Variants in VCP observed in about 807,000 individuals in gnomAD.
VCP encodes valosin containing protein, also known as transitional endoplasmic reticulum ATPase.
VCP carries 6 observed loss-of-function variants against 85.7 expected under a neutral mutation model. The ratio of observed to expected loss-of-function variants is 0.07; its 90% CI spans 0.04 to 0.14. The LOEUF is 0.14. VCP is among the 10% of genes least tolerant of loss of function. VCP has a pLI of 1.00. For synonymous variants in VCP, 384 were observed against 367.1 expected (o/e 1.05, Z -0.53); for missense variants, 353 against 1,043.4 (o/e 0.34, Z 9.12).
At chr9:35,064,559 G>A (rs186007320) in intron 5 of VCP, among the ~76,000 whole-genome samples, 53 of 152,116 alleles carry the variant, frequency 3.5e-4, no homozygotes, top group Non-Finnish European at 6.5e-4. Context: ...AAAGGGATCC[G>A]GCCTCAAAGA....
chr9:35,066,357 G>C (rs1390620249), intron 4 of VCP, among the ~76,000 whole-genome samples: 1 of 148,856 alleles, frequency 6.7e-6, no homozygotes, highest in African/African-American at 2.5e-5. Flanking sequence ...CACCTCTTGG[G>C]TTCAAGCAAT....
chr9:35,067,443 C>T (rs934769193), intron 3 of VCP, among the ~76,000 whole-genome samples: 14 of 152,080 alleles, frequency 9.2e-5, no homozygotes, highest in African/African-American at 3.4e-4. Context: ...CCCGGGTTAA[C>T]TTAGGGGCTT....
At chr9:35,064,340 G>A (rs1441090046) in intron 5 of VCP, 55 bp from the exon 6 acceptor site, 19 of 1,607,254 alleles carry the variant, frequency 1.2e-5, no homozygotes, top group Middle Eastern at 3.9e-4. Flanking sequence ...ATCAGCAAAA[G>A]CTGAGTTTCT....
At chr9:35,058,972 C>G in intron 15 of VCP, 92 bp downstream of exon 15, 2 of 1,562,618 alleles carry the variant, frequency 1.3e-6, no homozygotes, top group Non-Finnish European at 1.7e-6. Context: ...GATGATCTTT[C>G]CAACAGCTTC....
At chr9:35,071,443 G>T (rs896415406) in intron 1 of VCP, among the ~76,000 whole-genome samples, 1 of 151,748 alleles carries the variant, frequency 6.6e-6, no homozygotes, top group Admixed American at 6.6e-5. Flanking sequence ...TCTCAATATA[G>T]CTGGTTGGGG....
chr9:35,070,435 A>G (rs1828917858), intron 1 of VCP, among the ~76,000 whole-genome samples: 1 of 152,068 alleles, frequency 6.6e-6, no homozygotes, highest in Non-Finnish European at 1.5e-5. Context: ...TCTAGTCACC[A>G]TAGTTTTTTA....
chr9:35,071,344 T>C (rs984564265), intron 1 of VCP, among the ~76,000 whole-genome samples: 4 of 129,638 alleles, frequency 3.1e-5, no homozygotes, highest in Non-Finnish European at 6.3e-5. Context: ...CTCTCTATTC[T>C]AAATTGAATG....
chr9:35,072,500 TC>T lies in VCP; in HGVS notation c.-148del. On this transcript the variant is annotated 5_prime_UTR_variant, in exon 1 of 17. Transcript: ENST00000358901. ...ACCCGCAAGCGGCTTCCCTCTCGCT[TC>T]CTCCCACCGGCAGCGAGGCGTCGGG... 3 of 1,048,898 alleles carry T rather than the reference TC, an allele frequency of 2.9e-6. No homozygotes were observed. The highest frequency in any genetic ancestry group is 6.6e-5 in the East Asian group (2 of 30,230). 65.0% of individuals were successfully genotyped at this position (1,048,898 alleles called of 1,614,324 possible).
At chr9:35,068,643 A>C (rs2073575) in intron 1 of VCP, among the ~76,000 whole-genome samples, 2 of 152,140 alleles carry the variant, frequency 1.3e-5, no homozygotes, top group South Asian at 2.1e-4. Context: ...CCTAAGAAGA[A>C]GACATAATAG....
chr9:35,061,919 G>A (rs1587123112), intron 9 of VCP, 84 bp downstream of exon 9: 1 of 1,607,874 alleles, frequency 6.2e-7, no homozygotes, highest in East Asian at 2.2e-5. Flanking sequence ...ACTGTGAAGG[G>A]CTTCAAGAGG....
At chr9:35,072,135 G>A (rs1001784549) in intron 1 of VCP, 38 of 1,384,592 alleles carry the variant, frequency 2.7e-5, no homozygotes, top group Admixed American at 6.9e-5. Flanking sequence ...CGCAAGCCCC[G>A]CCTAGGGGGC....
chr9:35,058,327 C>T (rs926405932), intron 15 of VCP, among the ~76,000 whole-genome samples: 3 of 152,196 alleles, frequency 2.0e-5, no homozygotes, highest in African/African-American at 7.2e-5. Flanking sequence ...TTAAGGGTAA[C>T]ACAAGACATA....
chr9:35,057,076 G>C lies in VCP; in HGVS notation c.*41C>G. ...AAGCGCCCCCACCCCCAGGGAACAAGGTCCAGGCAGGCCAGCTCACTGCAC... is the reference window on the plus strand; with the variant it reads ...AAGCGCCCCCACCCCCAGGGAACAACGTCCAGGCAGGCCAGCTCACTGCAC... On this transcript the variant is annotated 3_prime_UTR_variant, in exon 17 of 17. Coordinates refer to ENST00000358901, the MANE Select transcript of VCP (RefSeq NM_007126.5). 6.2e-7 allele frequency: 1 copy of C among 1,607,182 alleles called. No individual in the cohort carries two copies. The highest frequency in any genetic ancestry group is 8.5e-7 in the Non-Finnish European group (1 of 1,174,776).
intron 7 of VCP, 83 bp from the exon 8 acceptor site, chr9:35,062,433 G>A (rs1828744822): frequency 6.2e-7 from 1 of 1,603,702 alleles, no homozygotes; most frequent in Non-Finnish European, 8.5e-7. Flanking sequence ...TGCTTGTTTG[G>A]CCCAGAGACA....
intron 10 of VCP, 93 bp downstream of exon 10, chr9:35,061,484 A>ATC (rs1828719488): frequency 6.4e-6 from 8 of 1,248,468 alleles, no homozygotes; most frequent in Non-Finnish European, 8.2e-6. Context: ...ATCAAAACCC[A>ATC]TCTCCTCACA....
At position 35,060,873 on chromosome 9, in the gene VCP, C is replaced by T. The variant is rs1828708210; in HGVS notation, c.1410G>A (p.Glu470=). 6.2e-7 allele frequency: 1 copy of T among 1,614,068 alleles called. No individual in the cohort carries two copies. The highest frequency in any genetic ancestry group is 8.5e-7 in the Non-Finnish European group (1 of 1,180,044). ...TGTCTTCCCAGGTTACCTGTGGCAC[C>T]TCTACCACGGTTTCCCGCAGTGCTG... ...NPSALRETVV[E]VPQVTWEDIG... The change falls in exon 12 of 17, where the codon GAG becomes GAA. Residue 470 remains glutamate (E), a synonymous_variant. Transcript: ENST00000358901.
rs752007813 is a variant in VCP, at chr9:35,056,505, T to C, written c.*612A>G. On this transcript the variant is annotated 3_prime_UTR_variant, in exon 17 of 17. Transcript: ENST00000358901. The stretch of plus-strand genomic sequence containing the variant: ...ATTTGGAAGAATGCCTTGGGAGTGG[T>C]GGGTAGCCCAAGGCTGTTCCCAGGA... The C allele has an allele frequency of 6.3e-6, 1 of 157,688 alleles. No homozygotes were observed. Among genetic ancestry groups the C allele is most frequent in the Non-Finnish European group, 1.4e-5 (1 of 71,082 alleles). The allele number at this position is 157,688 out of a possible 1,614,324, so 9.8% of individuals were successfully genotyped here.
chr9:35,062,188 C>A lies in VCP; in HGVS notation c.945+29G>T, dbSNP rs1354609018. On this transcript the variant is annotated intron_variant, in intron 8 of 16. Transcript: ENST00000358901. The stretch of plus-strand genomic sequence containing the variant: ...GAAGTGAAGTCAGGGCCTTTCAACC[C>A]CCCTCTATCCCCTCAGGTAAGCTCC... The A allele has an allele frequency of 4.3e-6, 7 of 1,614,092 alleles. No homozygotes were observed. The East Asian group carries it at 1.1e-4, about 26-fold the overall frequency.
intron 1 of VCP, among the ~76,000 whole-genome samples, chr9:35,070,808 C>T (rs1017106357): frequency 1.3e-5 from 2 of 152,206 alleles, no homozygotes; most frequent in African/African-American, 4.8e-5. Context: ...CGGACTCTGG[C>T]TCTGGAGATG....
Sources: allele counts gnomAD v4.1 joint callset (sites outside exome capture counted in the v4.1 genomes callset), GRCh38; gene constraint gnomAD v4.1.1; transcripts MANE v1.5; gene names NCBI Gene and HGNC (gene_info 2026-07-23, HGNC 2026-07-21).